Variants in LYST observed in about 807,000 individuals in gnomAD.
The protein encoded by LYST is lysosomal-trafficking regulator.
A neutral mutation model predicts 413.6 loss-of-function variants in LYST; 192 were observed. That is an observed-to-expected ratio of 0.46 (90% CI 0.41 to 0.52). The LOEUF (loss-of-function observed/expected upper bound fraction) is 0.52. Ranked by LOEUF, LYST falls within the 20% of genes least tolerant of loss-of-function variation. The probability of loss-of-function intolerance (pLI) is 0.00; values close to 1 mark genes in which losing one functional copy is unlikely to be tolerated. For missense variants in LYST, 3,815 were observed against 4,499.9 expected (o/e 0.85, Z 4.35); for synonymous variants, 1,525 against 1,567.3 (o/e 0.97, Z 0.64).
At chr1:235,811,854 C>T (rs1230363036) in intron 4 of LYST, among the ~76,000 whole-genome samples, 1 of 151,962 alleles carries the variant, frequency 6.6e-6, no homozygotes, top group Non-Finnish European at 1.5e-5. Context: ...AAGTGATTAA[C>T]AATTTGTGAA....
At chr1:235,805,042 G>A (rs191232517) in intron 6 of LYST, among the ~76,000 whole-genome samples, 12 of 152,268 alleles carry the variant, frequency 7.9e-5, no homozygotes, top group African/African-American at 2.6e-4. Context: ...AAGGCAACAT[G>A]GAGGCTGGAA....
At chr1:235,688,940 G>A (rs1203212188) in intron 47 of LYST, among the ~76,000 whole-genome samples, 3 of 150,568 alleles carry the variant, frequency 2.0e-5, no homozygotes, top group Non-Finnish European at 4.4e-5. Flanking sequence ...AGCCGAGATC[G>A]CACCACTGCA....
At chr1:235,796,560 G>A (rs1331972619) in intron 10 of LYST, among the ~76,000 whole-genome samples, 5 of 152,296 alleles carry the variant, frequency 3.3e-5, no homozygotes, top group Admixed American at 3.3e-4. Flanking sequence ...CAAAACTCAA[G>A]TTGAAATTTG....
Position 235,777,413 on chromosome 1 carries a change from T to G in LYST, c.5215-105A>C. 10 of 968,920 alleles carry G rather than the reference T, an allele frequency of 1.0e-5. No homozygotes were observed. In the South Asian group the frequency reaches 1.4e-4, roughly 13 times the overall value. The allele number at this position is 968,920 out of a possible 1,614,324, so 60.0% of individuals were successfully genotyped here. A position where few individuals can be genotyped will look rare whatever the true frequency, so the allele number is the denominator to read the frequency against. The stretch of plus-strand genomic sequence containing the variant: ...GTGAAAACACACTCAACTGATCCTT[T>G]TCTTTGTTTAAAAAACAACAGCTAC... On this transcript the variant is annotated intron_variant, in intron 16 of 52. Transcript: ENST00000389793.
rs1364142654 is a variant in LYST, at chr1:235,662,910, T to C, written c.*30A>G. 8.0e-7 allele frequency: 1 copy of C among 1,250,606 alleles called. No individual in the cohort carries two copies. The highest frequency in any genetic ancestry group is 1.7e-5 in the Admixed American group (1 of 59,600). The allele number at this position is 1,250,606 out of a possible 1,614,324, so 77.5% of individuals were successfully genotyped here. On this transcript the variant is annotated 3_prime_UTR_variant, in exon 53 of 53. Coordinates refer to ENST00000389793, the MANE Select transcript of LYST (RefSeq NM_000081.4). ...CAACAAATCTAGTTTGGAGTTAAAG[T>C]GCTTTGGAGAACGTGAAGTTCATTC...
intron 3 of LYST, among the ~76,000 whole-genome samples, chr1:235,823,871 C>G (rs1360202026): frequency 1.3e-5 from 2 of 152,170 alleles, no homozygotes; most frequent in Non-Finnish European, 2.9e-5. Flanking sequence ...ATTTATTTAC[C>G]TATCTCTTCA....
chr1:235,750,545 A>C (rs985490941), intron 28 of LYST, among the ~76,000 whole-genome samples: 8 of 152,112 alleles, frequency 5.3e-5, no homozygotes, highest in Non-Finnish European at 8.8e-5. Context: ...GTGTGTGTGC[A>C]TGTGTACATG....
At chr1:235,770,324 G>A (rs1668544190) in intron 19 of LYST, 27 bp from the exon 20 acceptor site, 2 of 1,611,900 alleles carry the variant, frequency 1.2e-6, no homozygotes, top group Non-Finnish European at 8.5e-7. Flanking sequence ...ACACCAATAA[G>A]CACATACTTA....
chr1:235,834,343 C>T (rs190936124), intron 1 of LYST, among the ~76,000 whole-genome samples: 172 of 152,100 alleles, frequency 1.1e-3, no homozygotes, highest in South Asian at 7.5e-3. Context: ...CATAGTTATG[C>T]GGCAAACATG....
intron 44 of LYST, among the ~76,000 whole-genome samples, chr1:235,707,888 G>T (rs1372370543): frequency 6.6e-6 from 1 of 151,990 alleles, no homozygotes; most frequent in Non-Finnish European, 1.5e-5. Context: ...GGGGATTTTG[G>T]AATATTAGCA....
intron 34 of LYST, among the ~76,000 whole-genome samples, chr1:235,731,516 AT>A (rs1339975695): frequency 4.0e-5 from 6 of 148,362 alleles, no homozygotes; most frequent in South Asian, 2.1e-4. Flanking sequence ...GGTTAGGTAA[AT>A]TTTTTTTCCA....
At chr1:235,878,167 C>T (rs1681221925) in intron 1 of LYST, among the ~76,000 whole-genome samples, 1 of 152,192 alleles carries the variant, frequency 6.6e-6, no homozygotes, top group South Asian at 2.1e-4. Context: ...GGTAGGGTAG[C>T]TTAATCAGCA....
Position 235,810,073 on chromosome 1 carries a change from T to G in LYST, c.745A>C (p.Asn249His), listed in dbSNP as rs756124531. The change falls in exon 5 of 53, where the codon AAC (asparagine) becomes CAC (histidine). Residue 249 changes from asparagine to histidine, a missense_variant. Around this residue, in one of 4 missense-constraint regions of LYST, gnomAD observed 1,648 missense variants for 1,810.3 expected, o/e 0.91. Coordinates refer to ENST00000389793, the MANE Select transcript of LYST (RefSeq NM_000081.4). ...AAGTCAAATGGAGAATTGTTCATGT[T>G]ACTGATAACAGACAAGGCAGCTGGC... is the stretch of plus-strand genomic sequence containing the variant. ...SEPAALSVIS[N>H]MNNSPFDLCH... The G allele has an allele frequency of 6.2e-7, 1 of 1,614,072 alleles. No individual in the cohort carries two copies. The highest frequency in any genetic ancestry group is 8.5e-7 in the Non-Finnish European group (1 of 1,179,938).
At chr1:235,821,785 T>C (rs115216800) in intron 3 of LYST, among the ~76,000 whole-genome samples, 11 of 152,370 alleles carry the variant, frequency 7.2e-5, no homozygotes, top group Non-Finnish European at 1.5e-4. Flanking sequence ...GGCAACAGGA[T>C]TGGCCTGTAG....
rs955744649 is a variant in LYST, at chr1:235,873,606, T to C, written n.454+9581A>G. 3.9e-5 allele frequency among the ~76,000 whole-genome samples: 6 copies of C among 152,194 alleles called. No homozygotes were observed. In the South Asian group the frequency reaches 6.2e-4, roughly 16 times the overall value. Reference sequence around the variant, plus strand: ...ATTATTACTATCACCACCACTATCATTGAAAAAAGAGAGATTTGGGTCTAT... The same window carrying C: ...ATTATTACTATCACCACCACTATCACTGAAAAAAGAGAGATTTGGGTCTAT... On this transcript the variant is annotated intron_variant and non_coding_transcript_variant, in intron 1 of 11. Coordinates refer to the LYST transcript ENST00000465349.
chr1:235,743,052 C>A (rs1665573916), intron 30 of LYST, among the ~76,000 whole-genome samples: 1 of 152,076 alleles, frequency 6.6e-6, no homozygotes, highest in Non-Finnish European at 1.5e-5. Flanking sequence ...ATAGTATATA[C>A]AGGTTTCAGT....
intron 45 of LYST, among the ~76,000 whole-genome samples, chr1:235,700,383 A>T (rs943552219): frequency 1.4e-4 from 22 of 152,250 alleles, no homozygotes; most frequent in Admixed American, 5.9e-4. Context: ...ACAAATTTAC[A>T]AGAAAAAAAC....
intron 25 of LYST, among the ~76,000 whole-genome samples, chr1:235,754,768 T>G (rs1666846584): frequency 6.6e-6 from 1 of 152,132 alleles, no homozygotes; most frequent in Non-Finnish European, 1.5e-5. Flanking sequence ...GTTCACTAAA[T>G]TTTACATTTA....
At chr1:235,691,611 C>T (rs927231946) in intron 47 of LYST, among the ~76,000 whole-genome samples, 2 of 151,250 alleles carry the variant, frequency 1.3e-5, no homozygotes, top group Non-Finnish European at 2.9e-5. Context: ...AATATTCTCT[C>T]AATGAGAAAA....
Sources: gnomAD v4.1 joint callset for allele counts (sites outside exome capture counted in the v4.1 genomes callset) on GRCh38, gnomAD v4.1.1 for gene constraint, gnomAD v4.1.1 regional missense constraint, MANE v1.5 for transcripts, NCBI Gene and HGNC (gene_info 2026-07-23, HGNC 2026-07-21) for gene names.